TERT: variants seen among roughly 807,000 people sequenced by gnomAD.
TERT encodes telomerase catalytic subunit.
TERT carries 42 observed loss-of-function variants against 104.0 expected under a neutral mutation model. The ratio of observed to expected loss-of-function variants is 0.40; its 90% confidence interval spans 0.32 to 0.52. The LOEUF (loss-of-function observed/expected upper bound fraction) is 0.52. Ranked by LOEUF, TERT falls within the 20% of genes least tolerant of loss-of-function variation. TERT has a pLI of 0.43. For missense variants in TERT, 1,101 were observed against 1,610.3 expected (o/e 0.68, Z 5.41); for synonymous variants, 781 against 725.6 (o/e 1.08, Z -1.23).
chr5:1,267,164 T>G (rs1579558827), intron 9 of TERT, among the ~76,000 whole-genome samples: 1 of 152,234 alleles, frequency 6.6e-6, no homozygotes, highest in African/African-American at 2.4e-5. Flanking sequence ...TGAACCTTAA[T>G]GAAGAAGAAC....
intron 2 of TERT, 47 bp from the exon 3 acceptor site, chr5:1,282,671 G>T: frequency 6.2e-7 from 1 of 1,600,344 alleles, no homozygotes; most frequent in South Asian, 1.1e-5. Flanking sequence ...AGGGCCTGGT[G>T]ACCTCACCCC....
Position 1,289,128 on chromosome 5 carries a change from C to T in TERT, c.1573+4185G>A, listed in dbSNP as rs553357416. 2.5e-3 allele frequency among the ~76,000 whole-genome samples: 377 copies of T among 150,710 alleles called. 1 individual carries two copies. The highest frequency in any genetic ancestry group is 4.3e-3 in the Non-Finnish European group (288 of 67,638). The stretch of plus-strand genomic sequence containing the variant: ...ACGAGACAGGGACACCCAGGGACAG[C>T]GCCTCACTCACCCTGCACCTGAGAG... On this transcript the variant is annotated intron_variant, in intron 2 of 15. Coordinates refer to ENST00000310581, the MANE Select transcript of TERT (RefSeq NM_198253.3).
At chr5:1,282,297 A>G in intron 3 of TERT, 132 bp downstream of exon 3, 1 of 920,430 alleles carries the variant, frequency 1.1e-6, no homozygotes. Context: ...CAGGCCTGTG[A>G]CGGGGCCCCT....
rs553585636 is a variant in TERT, at chr5:1,291,264, G to C, written c.1573+2049C>G. ...CCTACACCTGAGAGGGACACCCGGGGACAGCGCCTCACTCACCCTACACCT... is the reference window on the plus strand; with the variant it reads ...CCTACACCTGAGAGGGACACCCGGGCACAGCGCCTCACTCACCCTACACCT... On this transcript the variant is annotated intron_variant, in intron 2 of 15. Transcript: ENST00000310581. Among the ~76,000 whole-genome samples the C allele has an allele frequency of 4.8e-5, 5 of 103,472 alleles. 1 individual carries two copies. The South Asian group carries it at 1.7e-3, about 36-fold the overall frequency. 67.9% of individuals were successfully genotyped at this position (103,472 alleles called of 152,430 possible). A position where few individuals can be genotyped will look rare whatever the true frequency, so the allele number is the denominator to read the frequency against.
rs769128451 is a variant in TERT, at chr5:1,293,586, A to G, written c.1300T>C (p.Ser434Pro). The part of the protein sequence containing the change: ...GVCAREKPQG[S>P]VAAPEEEDTD... ...TCCTCCTCCTCGGGGGCCGCCACAG[A>G]GCCCTGGGGCTTCTCCCGGGCACAG... Residue 434 changes from serine to proline, a missense_variant, in exon 2 of 16, where the codon TCT becomes CCT. Transcript: ENST00000310581. The G allele has an allele frequency of 6.5e-7, 1 of 1,545,864 alleles. No individual in the cohort carries two copies. Among genetic ancestry groups the G allele is most frequent in the Non-Finnish European group, 8.7e-7 (1 of 1,143,566 alleles).
At position 1,287,083 on chromosome 5, in the gene TERT, G is replaced by A. The variant is rs1299634266; in HGVS notation, c.1574-4459C>T. Among the ~76,000 whole-genome samples the A allele has an allele frequency of 6.6e-6, 1 of 152,096 alleles. No individual in the cohort carries two copies. The highest frequency in any genetic ancestry group is 1.9e-4 in the East Asian group (1 of 5,190). On this transcript the variant is annotated intron_variant, in intron 2 of 15. Coordinates refer to ENST00000310581, the MANE Select transcript of TERT (RefSeq NM_198253.3). This position sits in a 1 kb window ranked among gnomAD's most constrained non-coding sequence, Gnocchi z 4.3. Reference sequence around the variant, plus strand: ...TGGAGAATCAGAGTGCACCAGGCGGGTCTCTAGTGACAAAAAAATGAAAAT... The same window carrying A: ...TGGAGAATCAGAGTGCACCAGGCGGATCTCTAGTGACAAAAAAATGAAAAT...
At position 1,266,466 on chromosome 5, in the gene TERT, G is replaced by C; in HGVS notation, c.2652C>G (p.Leu884=). The C allele has an allele frequency of 6.2e-7, 1 of 1,608,054 alleles. No homozygotes were observed. Among genetic ancestry groups the C allele is most frequent in the Non-Finnish European group, 8.5e-7 (1 of 1,177,188 alleles). Residue 884 remains leucine, a splice_region_variant and synonymous_variant, in exon 10 of 16, where the codon CTC becomes CTG. Transcript: ENST00000310581. The part of the protein sequence containing the change: ...TPHLTHAKTF[L]RTLVRGVPEY... ...CAGACACACGGCACGGGCCTCACCT[G>C]AGGAAGGTTTTCGCGTGGGTGAGGT...
rs1751303856 is a variant in TERT, at chr5:1,294,990, C to T, written c.-1G>A. 7.6e-7 allele frequency: 1 copy of T among 1,317,348 alleles called. No individual in the cohort carries two copies. The highest frequency in any genetic ancestry group is 9.6e-7 in the Non-Finnish European group (1 of 1,041,348). 81.6% of individuals were successfully genotyped at this position (1,317,348 alleles called of 1,614,324 possible). On this transcript the variant is annotated 5_prime_UTR_variant, in exon 1 of 16. Coordinates refer to ENST00000310581, the MANE Select transcript of TERT (RefSeq NM_198253.3). ...CTCGGCAGCGGGGAGCGCGCGGCATCGCGGGGGTGGCCGGGGCCAGGGCTT... is the reference window on the plus strand; with the variant it reads ...CTCGGCAGCGGGGAGCGCGCGGCATTGCGGGGGTGGCCGGGGCCAGGGCTT...
rs757423615 is a variant in TERT at position 1,286,105 on chromosome 5, G to A, written c.1574-3481C>T. Among the ~76,000 whole-genome samples the A allele has an allele frequency of 6.6e-6, 1 of 152,140 alleles. No individual in the cohort carries two copies. Among genetic ancestry groups the A allele is most frequent in the Non-Finnish European group, 1.5e-5 (1 of 68,042 alleles). Reference sequence around the variant, plus strand: ...TTTCCAGGCTGAACCCAGGCCGAGCGGACGTTGCTGTCACTCACTGGCTAA... The same window carrying A: ...TTTCCAGGCTGAACCCAGGCCGAGCAGACGTTGCTGTCACTCACTGGCTAA... On this transcript the variant is annotated intron_variant, in intron 2 of 15. Transcript: ENST00000310581. This position sits in a 1 kb window ranked among gnomAD's most constrained non-coding sequence, Gnocchi z 5.3.
intron 4 of TERT, 51 bp downstream of exon 4, chr5:1,280,107 G>A: frequency 2.5e-6 from 4 of 1,609,290 alleles, no homozygotes; most frequent in Non-Finnish European, 3.4e-6. Flanking sequence ...CCAAATGTGG[G>A]GCTCAAACGC....
chr5:1,293,212 CGATG>C, intron 2 of TERT, 97 bp downstream of exon 2: 3 of 1,470,676 alleles, frequency 2.0e-6, no homozygotes, highest in Non-Finnish European at 2.8e-6. Flanking sequence ...GCCCACGTGA[CGATG>C]GAGACAGGAG....
intron 12 of TERT, 139 bp downstream of exon 12, chr5:1,260,335 C>G (rs34693615): frequency 3.0e-6 from 4 of 1,338,344 alleles, no homozygotes; most frequent in African/African-American, 2.9e-5. Context: ...TATGTGCTCA[C>G]GTGTATATGC....
intron 12 of TERT, among the ~76,000 whole-genome samples, chr5:1,259,130 G>A (rs1342488753): frequency 2.4e-4 from 33 of 138,940 alleles, no homozygotes; most frequent in South Asian, 4.9e-4. Flanking sequence ...GAGAGGGAGT[G>A]GATGCAGATG....
chr5:1,292,813 G>T lies in TERT; in HGVS notation c.1573+500C>A, dbSNP rs546586937. ...CCGGCGTGAGCCACCGCACCTGGCCGTCAACACACAATTAAATCTTAAACA... is the reference window on the plus strand; with the variant it reads ...CCGGCGTGAGCCACCGCACCTGGCCTTCAACACACAATTAAATCTTAAACA... On this transcript the variant is annotated intron_variant, in intron 2 of 15. Coordinates refer to ENST00000310581, the MANE Select transcript of TERT (RefSeq NM_198253.3). This position sits in a 1 kb window ranked among gnomAD's most constrained non-coding sequence, Gnocchi z 5.5. Among the ~76,000 whole-genome samples the T allele has an allele frequency of 6.6e-6, 1 of 152,158 alleles. No individual in the cohort carries two copies. Among genetic ancestry groups the T allele is most frequent in the Non-Finnish European group, 1.5e-5 (1 of 68,028 alleles).
At chr5:1,279,533 TAGGGACCC>T (rs1468930488) in intron 4 of TERT, 63 bp from the exon 5 acceptor site, 59 of 1,511,952 alleles carry the variant, frequency 3.9e-5, no homozygotes, top group Non-Finnish European at 5.1e-5. Flanking sequence ...CACCCCACCA[TAGGGACCC>T]AGGGGAGAAG....
rs1297928103 is a variant in TERT, at chr5:1,261,811, C to T, written c.2844-1211G>A. On this transcript the variant is annotated intron_variant, in intron 11 of 15. Transcript: ENST00000310581. The surrounding 1 kb of genome is among the most constrained non-coding windows in gnomAD (Gnocchi z 7.4). Reference sequence around the variant, plus strand: ...GGGTCCTCGGGCAGAGCAAGGGCCCCGGAGCAGGAGGCCAGGCTGCAATCA... The same window carrying T: ...GGGTCCTCGGGCAGAGCAAGGGCCCTGGAGCAGGAGGCCAGGCTGCAATCA... 5.9e-5 allele frequency among the ~76,000 whole-genome samples: 9 copies of T among 152,176 alleles called. No homozygotes were observed. The highest frequency in any genetic ancestry group is 1.0e-4 in the Non-Finnish European group (7 of 68,040).
At chr5:1,258,789 C>T in intron 12 of TERT, 130 bp from the exon 13 acceptor site, 2 of 871,964 alleles carry the variant, frequency 2.3e-6, no homozygotes, top group Admixed American at 2.0e-5. Flanking sequence ...TATCCCTCTT[C>T]CCAGTGAAAT....
At chr5:1,277,708 C>T (rs1749704888) in intron 6 of TERT, among the ~76,000 whole-genome samples, 1 of 151,988 alleles carries the variant, frequency 6.6e-6, no homozygotes, top group African/African-American at 2.4e-5. Context: ...TACACCTGGG[C>T]ACAGGTGGTG....
At position 1,253,718 on chromosome 5, in the gene TERT, C is replaced by T. The variant is rs771745814; in HGVS notation, c.*10G>A. On this transcript the variant is annotated 3_prime_UTR_variant, in exon 16 of 16. Transcript: ENST00000310581. ...TGTCTGCTCTCGGCCTGGCTGTGGGCGGGTGGCCATCAGTCCAGGATGGTC... is the reference window on the plus strand; with the variant it reads ...TGTCTGCTCTCGGCCTGGCTGTGGGTGGGTGGCCATCAGTCCAGGATGGTC... 45 of 1,603,536 alleles carry T rather than the reference C, an allele frequency of 2.8e-5. No homozygotes were observed. Among genetic ancestry groups the T allele is most frequent in the South Asian group, 7.8e-5 (7 of 89,628 alleles).
Sources: gnomAD v4.1 joint callset for allele counts (sites outside exome capture counted in the v4.1 genomes callset) on GRCh38, gnomAD v4.1.1 for gene constraint, Gnocchi (gnomAD v3.1) non-coding constraint, MANE v1.5 for transcripts, NCBI Gene and HGNC (gene_info 2026-07-23, HGNC 2026-07-21) for gene names.